HAPLN2: variants seen among roughly 807,000 people sequenced by gnomAD.
HAPLN2 encodes the protein brain link protein-1.
A neutral mutation model predicts 29.3 loss-of-function variants in HAPLN2; 27 were observed. The ratio of observed to expected loss-of-function variants is 0.92; its 90% confidence interval spans 0.68 to 1.27. The LOEUF is 1.27. HAPLN2 is among the 50% of genes most tolerant of loss of function. The pLI is 0.00. For synonymous variants in HAPLN2, 208 were observed against 211.7 expected (o/e 0.98, Z 0.15); for missense variants, 454 against 484.3 (o/e 0.94, Z 0.59).
At chr1:156,603,166 G>A in the HAPLN2 span, among the ~76,000 whole-genome samples, 1 of 151,476 alleles carries the variant, frequency 6.6e-6, no homozygotes, top group African/African-American at 2.4e-5. Flanking sequence ...TTTGTGGAGA[G>A]ACATCTGACT....
intron 3 of HAPLN2, 84 bp downstream of exon 3, chr1:156,623,659 G>A: frequency 6.3e-7 from 1 of 1,575,072 alleles, no homozygotes; most frequent in Non-Finnish European, 8.6e-7. Flanking sequence ...AGTTGTTGCA[G>A]GTACCCAGGG....
At chr1:156,604,915 C>G in the HAPLN2 span, among the ~76,000 whole-genome samples, 1 of 139,694 alleles carries the variant, frequency 7.2e-6, no homozygotes, top group African/African-American at 2.6e-5. Context: ...AAAATCCCAG[C>G]TGGCTTTTTT....
In HAPLN2 at chr1:156,624,608, C is replaced by G; in HGVS notation, c.564C>G (p.Thr188=). ...TCCGCCGTCTCCCGCCAGCTTGGAC[C>G]GAGGGTCTGGACTGGTGTAACGCGG... ...ATYSQLYQAW[T]EGLDWCNAGW... Residue 188 remains threonine, a synonymous_variant, in exon 6 of 7, where the codon ACC becomes ACG. Transcript: ENST00000255039. The G allele has an allele frequency of 6.2e-7, 1 of 1,612,640 alleles. No individual in the cohort carries two copies. Among genetic ancestry groups the G allele is most frequent in the Non-Finnish European group, 8.5e-7 (1 of 1,179,558 alleles).
chr1:156,602,285 C>G, the HAPLN2 span, among the ~76,000 whole-genome samples: 1 of 152,042 alleles, frequency 6.6e-6, no homozygotes, highest in Non-Finnish European at 1.5e-5. Context: ...GAACTTGTCC[C>G]TTTGGTACTG....
At chr1:156,614,487 G>C (rs1678016336), upstream of HAPLN2, among the ~76,000 whole-genome samples, 2 of 152,212 alleles carry the variant, frequency 1.3e-5, no homozygotes, top group Non-Finnish European at 2.9e-5. Flanking sequence ...CTCCCAAAGT[G>C]CTGGGATTAC....
At chr1:156,612,271 G>T in the HAPLN2 span, among the ~76,000 whole-genome samples, 2 of 152,254 alleles carry the variant, frequency 1.3e-5, no homozygotes, top group Non-Finnish European at 2.9e-5. Flanking sequence ...TGATCCACCC[G>T]CTTCTGCCTT....
In HAPLN2 at chr1:156,625,511, C is replaced by A; in HGVS notation, c.*127C>A. 2 of 987,288 alleles carry A rather than the reference C, an allele frequency of 2.0e-6. No individual in the cohort carries two copies. Among genetic ancestry groups the A allele is most frequent in the Non-Finnish European group, 2.8e-6 (2 of 720,632 alleles). The allele number at this position is 987,288 out of a possible 1,614,324, so 61.2% of individuals were successfully genotyped here. On this transcript the variant is annotated 3_prime_UTR_variant, in exon 7 of 7. Coordinates refer to ENST00000255039, the MANE Select transcript of HAPLN2 (RefSeq NM_021817.3). The surrounding 1 kb of genome is among the most constrained non-coding windows in gnomAD (Gnocchi z 5.7). ...GGAGCGGCCTCTCCAGACCTGCCTT[C>A]CCAGCCGGGGGCTGCGGGCCTCGGA...
Position 156,623,571 on chromosome 1 carries a change from C to T in HAPLN2, c.81C>T (p.Asp27=), listed in dbSNP as rs1210905616. 9 of 1,614,094 alleles carry T rather than the reference C, an allele frequency of 5.6e-6. No homozygotes were observed. Among genetic ancestry groups the T allele is most frequent in the Non-Finnish European group, 7.6e-6 (9 of 1,179,986 alleles). The change falls in exon 3 of 7, where the codon GAC becomes GAT. Residue 27 remains aspartate, a synonymous_variant. Coordinates refer to ENST00000255039, the MANE Select transcript of HAPLN2 (RefSeq NM_021817.3). ...CCATCTTCCACAAAGCCCAAGGAGA[C>T]CCAGGTAAGACCCCAGCCCAGGCCA... ...AFTIFHKAQG[D]PASHPGPHYL... is the part of the protein sequence containing the mutation.
upstream of HAPLN2, among the ~76,000 whole-genome samples, chr1:156,616,620 G>C (rs912009689): frequency 6.6e-6 from 1 of 152,208 alleles, no homozygotes; most frequent in African/African-American, 2.4e-5. Context: ...GCCGGAGGCT[G>C]TTTGTTTGAG....
At chr1:156,606,801 T>A in the HAPLN2 span, among the ~76,000 whole-genome samples, 1 of 152,230 alleles carries the variant, frequency 6.6e-6, no homozygotes, top group African/African-American at 2.4e-5. Flanking sequence ...CTTCTCTTGA[T>A]ACCTGATCAC....
At chr1:156,611,024 G>A in the HAPLN2 span, among the ~76,000 whole-genome samples, 1 of 152,208 alleles carries the variant, frequency 6.6e-6, no homozygotes, top group Admixed American at 6.5e-5. Flanking sequence ...GCTCACACCT[G>A]TAATCCCAGC....
the HAPLN2 span, chr1:156,601,567 G>C: frequency 9.3e-7 from 1 of 1,069,684 alleles, no homozygotes; most frequent in Non-Finnish European, 1.4e-6. Context: ...CCATTGCGGA[G>C]CCCAATTTGC....
Position 156,624,448 on chromosome 1 carries a change from C to T in HAPLN2, c.537C>T (p.Thr179=). The T allele has an allele frequency of 6.2e-7, 1 of 1,612,744 alleles. No individual in the cohort carries two copies. Among genetic ancestry groups the T allele is most frequent in the Non-Finnish European group, 8.5e-7 (1 of 1,179,482 alleles). Residue 179 remains threonine (T), a synonymous_variant, in exon 5 of 7, where the codon ACC becomes ACT. Coordinates refer to ENST00000255039, the MANE Select transcript of HAPLN2 (RefSeq NM_021817.3). ...ACEEQDGRLA[T]YSQLYQAWTE... The stretch of plus-strand genomic sequence containing the variant: ...AGGAGCAGGACGGACGCCTGGCCAC[C>T]TACTCCCAGCTCTACCAGGGTGAGC...
At chr1:156,624,254 C>T in intron 4 of HAPLN2, 94 bp downstream of exon 4, 1 of 1,501,628 alleles carries the variant, frequency 6.7e-7, no homozygotes, top group East Asian at 2.4e-5. Flanking sequence ...TCCTCCGCAC[C>T]CCTGGGGACC....
chr1:156,617,989 GA>G (rs1401685292), upstream of HAPLN2, among the ~76,000 whole-genome samples: 3 of 151,964 alleles, frequency 2.0e-5, no homozygotes, highest in African/African-American at 7.3e-5. Flanking sequence ...TACCTCAATG[GA>G]AAGGTTTTAA....
the HAPLN2 span, among the ~76,000 whole-genome samples, chr1:156,613,292 A>T: frequency 3.9e-5 from 6 of 152,238 alleles, no homozygotes; most frequent in African/African-American, 1.4e-4. Context: ...CAGAGGTTGC[A>T]GTGAGACAAG....
chr1:156,605,801 T>C, the HAPLN2 span, among the ~76,000 whole-genome samples: 3 of 152,050 alleles, frequency 2.0e-5, no homozygotes, highest in African/African-American at 4.8e-5. Flanking sequence ...TTATGGGCAA[T>C]TGATTTTGCA....
chr1:156,625,388 C>T lies in HAPLN2; in HGVS notation c.*4C>T, dbSNP rs1437446528. 6.3e-7 allele frequency: 1 copy of T among 1,578,048 alleles called. No homozygotes were observed. The highest frequency in any genetic ancestry group is 8.6e-7 in the Non-Finnish European group (1 of 1,161,042). ...CTACTGCTACGCCGAGAATTAGGCG[C>T]CCACCGTGTCCCCTCCAGCGCGCGC... is the stretch of plus-strand genomic sequence containing the variant. On this transcript the variant is annotated 3_prime_UTR_variant, in exon 7 of 7. Transcript: ENST00000255039. The surrounding 1 kb of genome is among the most constrained non-coding windows in gnomAD (Gnocchi z 5.7).
chr1:156,614,518 G>A (rs543999923), upstream of HAPLN2, among the ~76,000 whole-genome samples: 10 of 152,310 alleles, frequency 6.6e-5, no homozygotes, highest in East Asian at 1.9e-3. Flanking sequence ...ACGGCACCCA[G>A]CCAGAGTTCA....
Sources: gnomAD v4.1 joint callset for allele counts (sites outside exome capture counted in the v4.1 genomes callset) on GRCh38, gnomAD v4.1.1 for gene constraint, Gnocchi (gnomAD v3.1) non-coding constraint, MANE v1.5 for transcripts, NCBI Gene and HGNC (gene_info 2026-07-23, HGNC 2026-07-21) for gene names.